The following XXYLT1 variants were observed in gnomAD, a reference collection of about 807,000 sequenced individuals.
The protein encoded by XXYLT1 is xyloside xylosyltransferase 1.
A neutral mutation model predicts 28.9 loss-of-function variants in XXYLT1; 20 were observed. That is an observed-to-expected ratio of 0.69 (90% confidence interval 0.49 to 1.00). The LOEUF is 1.00. XXYLT1 is among the 50% of genes least tolerant of loss of function. The pLI is 0.00. For missense variants in XXYLT1, 542 were observed against 560.1 expected, an observed-to-expected ratio of 0.97 and a Z score of 0.33; for synonymous variants, 257 against 253.8, an observed-to-expected ratio of 1.01 and a Z score of -0.12.
intron 2 of XXYLT1, among the ~76,000 whole-genome samples, chr3:195,189,502 T>A (rs1187582016): frequency 2.0e-5 from 3 of 152,218 alleles, no homozygotes; most frequent in Non-Finnish European, 4.4e-5. Flanking sequence ...TAATCAAAAC[T>A]ATTTTTTAAT....
At chr3:195,268,421 A>G (rs1725908499) in intron 1 of XXYLT1, among the ~76,000 whole-genome samples, 1 of 149,036 alleles carries the variant, frequency 6.7e-6, no homozygotes. Context: ...ACAAGAGCAA[A>G]ACTCTGTCTC....
chr3:195,133,155 C>T lies in XXYLT1; in HGVS notation c.785+23294G>A, dbSNP rs1216923640. ...GAGGGTGGCAAGAGAAGGAATCAGGCAGATTAAGGGGCATGAAATGTGAAG... is the reference window on the plus strand; with the variant it reads ...GAGGGTGGCAAGAGAAGGAATCAGGTAGATTAAGGGGCATGAAATGTGAAG... On this transcript the variant is annotated intron_variant, in intron 3 of 3. Coordinates refer to ENST00000310380, the MANE Select transcript of XXYLT1 (RefSeq NM_152531.5). This position sits in a 1 kb window ranked among gnomAD's most constrained non-coding sequence, Gnocchi z 4.4. 1.3e-5 allele frequency among the ~76,000 whole-genome samples: 2 copies of T among 152,176 alleles called. No individual in the cohort carries two copies. The highest frequency in any genetic ancestry group is 2.9e-5 in the Non-Finnish European group (2 of 68,034).
intron 1 of XXYLT1, among the ~76,000 whole-genome samples, chr3:195,231,509 G>A (rs947839427): frequency 2.0e-5 from 3 of 152,078 alleles, no homozygotes; most frequent in Non-Finnish European, 4.4e-5. Flanking sequence ...ATGATTATTT[G>A]CTGTGGGCCT....
intron 1 of XXYLT1, among the ~76,000 whole-genome samples, chr3:195,236,375 A>G (rs988043865): frequency 1.3e-5 from 2 of 152,024 alleles, no homozygotes; most frequent in Non-Finnish European, 2.9e-5. Flanking sequence ...TGTGTCCAGT[A>G]CCACCACAGG....
chr3:195,100,150 C>T (rs926736385), intron 3 of XXYLT1, among the ~76,000 whole-genome samples: 1 of 152,194 alleles, frequency 6.6e-6, no homozygotes, highest in East Asian at 1.9e-4. Flanking sequence ...CCGCCACCAC[C>T]GTTCCCCCTG....
intron 3 of XXYLT1, among the ~76,000 whole-genome samples, chr3:195,104,888 T>C (rs912056067): frequency 7.9e-5 from 12 of 152,238 alleles, no homozygotes; most frequent in Admixed American, 3.3e-4. Flanking sequence ...ACAGTTAGAA[T>C]AAACCATTTG....
At chr3:195,119,550 G>A (rs1292303592) in intron 3 of XXYLT1, among the ~76,000 whole-genome samples, 3 of 152,096 alleles carry the variant, frequency 2.0e-5, no homozygotes, top group African/African-American at 7.2e-5. Context: ...AGGATTCCAA[G>A]TGAATCAAGT....
chr3:195,244,630 A>C (rs924766496), intron 1 of XXYLT1, among the ~76,000 whole-genome samples: 18 of 148,388 alleles, frequency 1.2e-4, no homozygotes, highest in Middle Eastern at 3.5e-3. Context: ...GGCGTGGTGG[A>C]GGGCGCCTGT....
intron 1 of XXYLT1, chr3:195,259,619 G>A (rs1195324557): frequency 4.1e-6 from 4 of 985,370 alleles, no homozygotes; most frequent in African/African-American, 3.5e-5. Flanking sequence ...GGACAGTCGC[G>A]TGCGACAGGC....
chr3:195,110,747 G>A (rs1437783443), intron 3 of XXYLT1, among the ~76,000 whole-genome samples: 6 of 146,862 alleles, frequency 4.1e-5, no homozygotes, highest in Non-Finnish European at 7.5e-5. Flanking sequence ...GTGTGCATGT[G>A]TGTGGTGTAT....
chr3:195,120,194 G>A (rs976331211), intron 3 of XXYLT1, among the ~76,000 whole-genome samples: 2 of 152,142 alleles, frequency 1.3e-5, no homozygotes, highest in African/African-American at 2.4e-5. Context: ...TCCAGCAAAG[G>A]CCTCACCCCC....
rs1301927179 is a variant in XXYLT1, at chr3:195,176,290, C to T, written c.653-19709G>A. On this transcript the variant is annotated intron_variant, in intron 2 of 3. Transcript: ENST00000310380. The surrounding 1 kb of genome is among the most constrained non-coding windows in gnomAD (Gnocchi z 4.9). ...CAGGCTGTAATTTTAACAACATGAC[C>T]ACATTCCAGTAATGACCTGAAAGGG... 2.6e-5 allele frequency among the ~76,000 whole-genome samples: 4 copies of T among 152,170 alleles called. No homozygotes were observed.
intron 2 of XXYLT1, among the ~76,000 whole-genome samples, chr3:195,164,797 G>T (rs192380241): frequency 6.6e-6 from 1 of 152,238 alleles, no homozygotes; most frequent in Non-Finnish European, 1.5e-5. Flanking sequence ...CATGATGGAT[G>T]TGGACGCTTA....
At chr3:195,185,085 A>AGAAGGAAGGAAGGAAG (rs10575198) in intron 2 of XXYLT1, among the ~76,000 whole-genome samples, 7 of 100,992 alleles carry the variant, frequency 6.9e-5, no homozygotes, top group South Asian at 3.5e-4. Context: ...GAAAGAAGGA[A>AGAAGGAAGGAAGGAAG]GAAGGAAGGA....
Position 195,195,861 on chromosome 3 carries a change from A to G in XXYLT1, c.652+30848T>C, listed in dbSNP as rs1299156785. 6.6e-6 allele frequency among the ~76,000 whole-genome samples: 1 copy of G among 152,184 alleles called. No homozygotes were observed. Among genetic ancestry groups the G allele is most frequent in the Non-Finnish European group, 1.5e-5 (1 of 68,024 alleles). On this transcript the variant is annotated intron_variant, in intron 2 of 3. Transcript: ENST00000310380. The surrounding 1 kb of genome is among the most constrained non-coding windows in gnomAD (Gnocchi z 4.4). Reference sequence around the variant, plus strand: ...ACAGTCCTGTTGCATTGAAGTATCCAATGAGCTCCAGTGAGCCTGAGCCTG... The same window carrying G: ...ACAGTCCTGTTGCATTGAAGTATCCGATGAGCTCCAGTGAGCCTGAGCCTG...
At chr3:195,104,817 C>A (rs920000418) in intron 3 of XXYLT1, among the ~76,000 whole-genome samples, 1 of 152,216 alleles carries the variant, frequency 6.6e-6, no homozygotes, top group African/African-American at 2.4e-5. Context: ...AAACCCCACA[C>A]CAAAAACCCT....
At position 195,255,177 on chromosome 3, in the gene XXYLT1, G is replaced by A. The variant is rs1395133024; in HGVS notation, c.504+15378C>T. ...AGTCCCTCAGCAAGGAGCTTCAGTC[G>A]GACTAAACCAGCAGAAAAGGCGGTT... On this transcript the variant is annotated intron_variant, in intron 1 of 3. Coordinates refer to ENST00000310380, the MANE Select transcript of XXYLT1 (RefSeq NM_152531.5). The surrounding 1 kb of genome is among the most constrained non-coding windows in gnomAD (Gnocchi z 4.5). 1.3e-5 allele frequency among the ~76,000 whole-genome samples: 2 copies of A among 152,196 alleles called. No individual in the cohort carries two copies. The highest frequency in any genetic ancestry group is 2.9e-5 in the Non-Finnish European group (2 of 68,038).
chr3:195,142,272 A>G (rs1006357409), intron 3 of XXYLT1, among the ~76,000 whole-genome samples: 27 of 152,232 alleles, frequency 1.8e-4, no homozygotes, highest in African/African-American at 6.5e-4. Context: ...TTTAAACAAT[A>G]TATGAATGGT....
intron 2 of XXYLT1, among the ~76,000 whole-genome samples, chr3:195,193,213 G>A (rs1206083933): frequency 3.3e-5 from 5 of 151,712 alleles, no homozygotes; most frequent in African/African-American, 9.7e-5. Context: ...GCTTGAACCC[G>A]GGAGGTGGAG....
Sources: allele counts gnomAD v4.1 joint callset (sites outside exome capture counted in the v4.1 genomes callset), GRCh38; gene constraint gnomAD v4.1.1; non-coding constraint Gnocchi (gnomAD v3.1); transcripts MANE v1.5; gene names NCBI Gene and HGNC (gene_info 2026-07-23, HGNC 2026-07-21).